SLFN13: variants seen among roughly 807,000 people sequenced by gnomAD.
SLFN13 encodes the protein schlafen-13.
In SLFN13, 43 loss-of-function variants were observed where a neutral mutation model predicts 50.6. That is an observed-to-expected ratio of 0.85 (90% CI 0.67 to 1.09). The LOEUF (loss-of-function observed/expected upper bound fraction) is 1.09, where lower values mean the gene tolerates loss of function less well. Ranked by LOEUF, SLFN13 falls within the 50% of genes least tolerant of loss-of-function variation. SLFN13 has a pLI of 0.00. For synonymous variants in SLFN13, 339 were observed against 386.5 expected (o/e 0.88, Z 1.44); for missense variants, 881 against 1,071.1 (o/e 0.82, Z 2.48).
chr17:35,445,320 C>A lies in SLFN13; in HGVS notation c.361G>T (p.Gly121Cys), dbSNP rs775903727. ...SWSGDPFLKD[G>C]SFNSRICSLS... ...CTGCAAATGCGGGAATTGAAAGAAC[C>A]ATCTTTAAGGAAAGGATCACCACTC... The change falls in exon 3 of 6, where the codon GGT becomes TGT. Residue 121 changes from glycine to cysteine, a missense_variant. Physicochemically the swap from Gly to Cys is radical, Grantham distance 159. Around this residue, in one of 5 missense-constraint regions of SLFN13, gnomAD observed 497 missense variants for 518.3 expected, o/e 0.96. Transcript: ENST00000285013. 2 of 1,613,726 alleles carry A rather than the reference C, an allele frequency of 1.2e-6. No homozygotes were observed. The highest frequency in any genetic ancestry group is 1.3e-5 in the African/African-American group (1 of 75,020).
At chr17:35,449,164 G>A (rs1913379744), upstream of SLFN13, among the ~76,000 whole-genome samples, 1 of 151,676 alleles carries the variant, frequency 6.6e-6, no homozygotes, top group African/African-American at 2.4e-5. Flanking sequence ...ACTTGAGCCC[G>A]AGGAAGTCCA....
Position 35,447,319 on chromosome 17 carries a change from G to C in SLFN13, c.-65C>G, listed in dbSNP as rs1440515786. 1 of 152,152 alleles carries C rather than the reference G, an allele frequency of 6.6e-6. No individual in the cohort carries two copies. The highest frequency in any genetic ancestry group is 1.5e-5 in the Non-Finnish European group (1 of 68,016). The allele number at this position is 152,152 out of a possible 1,614,324, so 9.4% of individuals were successfully genotyped here. Reference sequence around the variant, plus strand: ...TCTGTTGTATTTACAGAATAACTTTGCTAGAATTCCTTTCTTAATGTAACC... The same window carrying C: ...TCTGTTGTATTTACAGAATAACTTTCCTAGAATTCCTTTCTTAATGTAACC... On this transcript the variant is annotated 5_prime_UTR_variant, in exon 2 of 6. Transcript: ENST00000285013.
intron 4 of SLFN13, among the ~76,000 whole-genome samples, chr17:35,443,191 G>C (rs1339333300): frequency 6.6e-6 from 1 of 152,160 alleles, no homozygotes; most frequent in Non-Finnish European, 1.5e-5. Flanking sequence ...GCTAAAAAAT[G>C]TTTGGGCAGC....
rs185559868 is a variant in SLFN13, at chr17:35,448,226, A to G, written c.-161+496T>C. On this transcript the variant is annotated intron_variant, in intron 1 of 5. Coordinates refer to ENST00000285013, the MANE Select transcript of SLFN13 (RefSeq NM_144682.6). ...TCTTAGATTAAGAACAATAATTTAC[A>G]GTGGTTAGTGAGTCAATGCCAAGAA... 3.3e-5 allele frequency: 5 copies of G among 152,276 alleles called. No homozygotes were observed. In the East Asian group the frequency reaches 9.7e-4, roughly 29 times the overall value. 9.4% of individuals were successfully genotyped at this position (152,276 alleles called of 1,614,324 possible). A position where few individuals can be genotyped will look rare whatever the true frequency, so the allele number is the denominator to read the frequency against.
At chr17:35,441,445 G>A in intron 5 of SLFN13, 79 bp from the exon 6 acceptor site, 3 of 1,580,460 alleles carry the variant, frequency 1.9e-6, no homozygotes, top group Non-Finnish European at 2.6e-6. Flanking sequence ...GTTCCTCCGA[G>A]CACAGTATAT....
At position 35,445,276 on chromosome 17, in the gene SLFN13, G is replaced by A; in HGVS notation, c.405C>T (p.Tyr135=). 6.2e-7 allele frequency: 1 copy of A among 1,613,934 alleles called. No individual in the cohort carries two copies. Among genetic ancestry groups the A allele is most frequent in the Non-Finnish European group, 8.5e-7 (1 of 1,180,004 alleles). ...SRICSLSSSL[Y]CRSGTSVLHM... ...GAAGCACAGAGGTGCCAGATCTACA[G>A]TATAATGAAGAACTAAGGCTGCAAA... Residue 135 remains tyrosine (Y), a synonymous_variant, in exon 3 of 6, where the codon TAC becomes TAT. Coordinates refer to ENST00000285013, the MANE Select transcript of SLFN13 (RefSeq NM_144682.6).
Position 35,444,883 on chromosome 17 carries a change from A to C in SLFN13, c.798T>G (p.Pro266=). 6.2e-7 allele frequency: 1 copy of C among 1,614,250 alleles called. No individual in the cohort carries two copies. The highest frequency in any genetic ancestry group is 8.5e-7 in the Non-Finnish European group (1 of 1,180,032). Reference sequence around the variant, plus strand: ...TTGCAATTACATTTTTCAAAGAGTCAGGGTCAACCTGTTCTTTGGCACATC... The same window carrying C: ...TTGCAATTACATTTTTCAAAGAGTCCGGGTCAACCTGTTCTTTGGCACATC... ...VLGCAKEQVD[P]DSLKNVIARA... is the part of the protein sequence containing the mutation. Residue 266 remains proline, a synonymous_variant, in exon 3 of 6, where the codon CCT becomes CCG. Transcript: ENST00000285013.
In SLFN13 at chr17:35,438,129, T is replaced by G. The variant is rs1412222374; in HGVS notation, c.*2466A>C. On this transcript the variant is annotated 3_prime_UTR_variant, in exon 6 of 6. Transcript: ENST00000285013. Reference sequence around the variant, plus strand: ...CTTTAAAAAAAAAAAAAAAAAAAATTTACAGTTAATCTTGCTTAATCTTTT... The same window carrying G: ...CTTTAAAAAAAAAAAAAAAAAAAATGTACAGTTAATCTTGCTTAATCTTTT... 1 of 144,752 alleles carries G rather than the reference T, an allele frequency of 6.9e-6. No homozygotes were observed. Among genetic ancestry groups the G allele is most frequent in the African/African-American group, 2.5e-5 (1 of 40,342 alleles). 9.0% of individuals were successfully genotyped at this position (144,752 alleles called of 1,614,324 possible).
At chr17:35,442,547 C>T (rs1344815122) in intron 4 of SLFN13, among the ~76,000 whole-genome samples, 2 of 152,158 alleles carry the variant, frequency 1.3e-5, no homozygotes, top group Non-Finnish European at 2.9e-5. Flanking sequence ...AGGTTCAGGC[C>T]ATTCTCCTGC....
At position 35,440,820 on chromosome 17, in the gene SLFN13, C is replaced by A. The variant is rs746216525; in HGVS notation, c.2469G>T (p.Gln823His). 1.2e-6 allele frequency: 2 copies of A among 1,614,130 alleles called. No homozygotes were observed. The change falls in exon 6 of 6, where the codon CAG (glutamine) becomes CAT (histidine). Residue 823 changes from glutamine (Q) to histidine (H), a missense_variant. Physicochemically the swap from Gln to His is conservative, Grantham distance 24 (BLOSUM62 0). Around this residue, in one of 5 missense-constraint regions of SLFN13, gnomAD observed 322 missense variants for 327.4 expected, o/e 0.98. Transcript: ENST00000285013. ...VSTVTEVEQY[Q>H]SKLLKAMRKK... Reference sequence around the variant, plus strand: ...TCCTCATTGCTTTCAAGAGCTTAGACTGATACTGCTCCACTTCTGTCACGG... The same window carrying A: ...TCCTCATTGCTTTCAAGAGCTTAGAATGATACTGCTCCACTTCTGTCACGG...
At chr17:35,448,042 A>ATATTATTATTATTATTAT (rs11275064) in intron 1 of SLFN13, among the ~76,000 whole-genome samples, 2,361 of 146,754 alleles carry the variant, frequency 0.016, 17 homozygotes, top group African/African-American at 0.033. Flanking sequence ...TATTAGTATT[A>ATATTATTATTATTATTAT]TATTATTATT....
rs138734637 is a variant in SLFN13 at position 35,437,377 on chromosome 17, A to AGG, written c.*3216_*3217dup. 12 of 151,224 alleles carry AGG rather than the reference A, an allele frequency of 7.9e-5. No homozygotes were observed. Among genetic ancestry groups the AGG allele is most frequent in the East Asian group, 1.9e-4 (1 of 5,156 alleles). 9.4% of individuals were successfully genotyped at this position (151,224 alleles called of 1,614,324 possible). A position where few individuals can be genotyped will look rare whatever the true frequency, so the allele number is the denominator to read the frequency against. ...CAGATAATTTTTTGTTGTCTTCTCG[A>AGG]GGGGGGGGTCATGCTATGCTGCCCA... On this transcript the variant is annotated 3_prime_UTR_variant, in exon 6 of 6. Transcript: ENST00000285013.
In SLFN13 at chr17:35,435,984, G is replaced by A. The variant is rs921700542; in HGVS notation, c.*4611C>T. On this transcript the variant is annotated 3_prime_UTR_variant, in exon 6 of 6. Transcript: ENST00000285013. ...TTGAATTCCTGACTTGAACCACCTT[G>A]GTCGTGGTGTATTATCACTTTTACA... The A allele has an allele frequency of 2.0e-5, 3 of 151,980 alleles. No homozygotes were observed. Among genetic ancestry groups the A allele is most frequent in the African/African-American group, 7.3e-5 (3 of 41,374 alleles). 9.4% of individuals were successfully genotyped at this position (151,980 alleles called of 1,614,324 possible).
At chr17:35,448,163 C>A (rs1913327312) in intron 1 of SLFN13, 1 of 152,118 alleles carries the variant, frequency 6.6e-6, no homozygotes, top group African/African-American at 2.4e-5. Flanking sequence ...AAGCTACAGG[C>A]ATGAGCCACC....
Position 35,445,370 on chromosome 17 carries a change from C to A in SLFN13, c.311G>T (p.Cys104Phe), listed in dbSNP as rs1913154514. The change falls in exon 3 of 6, where the codon TGT (cysteine) becomes TTT (phenylalanine). Residue 104 changes from cysteine to phenylalanine, a missense_variant. By Grantham distance (205) the Cys-to-Phe change is radical. This residue lies in a region of SLFN13 where 497 missense variants were observed against 518.3 expected (regional missense o/e 0.96). Coordinates refer to ENST00000285013, the MANE Select transcript of SLFN13 (RefSeq NM_144682.6). ...CCAAGATTTAACAAAAATATAAAAA[C>A]ACCTTCCGTGTTGCTTAGTCTCAAA... The part of the protein sequence containing the change: ...AFFETKQHGR[C>F]FYIFVKSWSG... 1 of 1,613,836 alleles carries A rather than the reference C, an allele frequency of 6.2e-7. No homozygotes were observed.
chr17:35,444,378 G>T (rs142394967), intron 3 of SLFN13, among the ~76,000 whole-genome samples: 9 of 152,270 alleles, frequency 5.9e-5, no homozygotes, highest in Non-Finnish European at 1.0e-4. Context: ...TTTTATTAAA[G>T]GAACCAATTT....
rs1912617748 is a variant in SLFN13, at chr17:35,435,295, T to TGTAACATCTCAGCGTAGC, written c.*5299_*5300insGCTACGCTGAGATGTTAC. On this transcript the variant is annotated 3_prime_UTR_variant, in exon 6 of 6. Transcript: ENST00000285013. Reference sequence around the variant, plus strand: ...TTGTGTTGCTATTCTTTATAGTGTTTTGCGGGGAGGGGGTTGGGGGGTTGT... The same window carrying TGTAACATCTCAGCGTAGC: ...TTGTGTTGCTATTCTTTATAGTGTTTGTAACATCTCAGCGTAGCTGCGGGGAGGGGGTTGGGGGGTTGT... 6.6e-6 allele frequency: 1 copy of TGTAACATCTCAGCGTAGC among 151,938 alleles called. No homozygotes were observed. The allele number at this position is 151,938 out of a possible 1,614,324, so 9.4% of individuals were successfully genotyped here.
rs746262608 is a variant in SLFN13 at position 35,442,205 on chromosome 17, A to T, written c.1280T>A (p.Ile427Lys). The T allele has an allele frequency of 1.2e-6, 2 of 1,614,128 alleles. No homozygotes were observed. The highest frequency in any genetic ancestry group is 1.7e-6 in the Non-Finnish European group (2 of 1,179,978). Residue 427 changes from isoleucine to lysine, a missense_variant, in exon 5 of 6, where the codon ATA becomes AAA. Physicochemically the swap from Ile to Lys is moderately radical, Grantham distance 102. This residue lies in a region of SLFN13 where 497 missense variants were observed against 518.3 expected (regional missense o/e 0.96). Transcript: ENST00000285013. ...SLQHEGLKEL[I>K]HKQMRPFSQG... is the part of the protein sequence containing the mutation. ...GGAGAAAGGTCGCATTTGCTTGTGT[A>T]TTAACTCCTTTAGTCCTTCATGCTG...
rs1567859833 is a variant in SLFN13, at chr17:35,440,566, T to G, written c.*29A>C. On this transcript the variant is annotated 3_prime_UTR_variant, in exon 6 of 6. Coordinates refer to ENST00000285013, the MANE Select transcript of SLFN13 (RefSeq NM_144682.6). ...CACCCATAGACATTTACACAGTATT[T>G]TGGTTTGGAGTTCTTCCTAATAGTC... 1 of 1,610,126 alleles carries G rather than the reference T, an allele frequency of 6.2e-7. No individual in the cohort carries two copies. Among genetic ancestry groups the G allele is most frequent in the African/African-American group, 1.3e-5 (1 of 74,814 alleles).
Sources: gnomAD v4.1 joint callset for allele counts (sites outside exome capture counted in the v4.1 genomes callset) on GRCh38, gnomAD v4.1.1 for gene constraint, gnomAD v4.1.1 regional missense constraint, MANE v1.5 for transcripts, NCBI Gene and HGNC (gene_info 2026-07-23, HGNC 2026-07-21) for gene names.